ADCY3: variants seen among roughly 807,000 people sequenced by gnomAD.
The protein encoded by ADCY3 is adenylate cyclase 3, also known as adenylate cyclase type 3.
In ADCY3, 70 loss-of-function variants were observed where a neutral mutation model predicts 119.4. That is an observed-to-expected ratio of 0.59 (90% CI 0.48 to 0.72). The LOEUF (loss-of-function observed/expected upper bound fraction) is 0.72, where lower values mean the gene tolerates loss of function less well. Among genes scored for constraint, ADCY3 ranks in the 30% least tolerant of loss-of-function variants. The pLI is 0.00. For missense variants in ADCY3, 1,238 were observed against 1,541.6 expected, an observed-to-expected ratio of 0.80 and a Z score of 3.30; for synonymous variants, 672 against 621.4, an observed-to-expected ratio of 1.08 and a Z score of -1.21.
intron 2 of ADCY3, among the ~76,000 whole-genome samples, chr2:24,886,448 G>A (rs7605335): frequency 0.49 from 75,013 of 151,928 alleles, 20,316 homozygotes; most frequent in African/African-American, 0.73. Context: ...TAGCAAACAC[G>A]CCTCACCTCC....
chr2:24,907,293 C>T (rs1662978241), intron 2 of ADCY3, among the ~76,000 whole-genome samples: 1 of 151,656 alleles, frequency 6.6e-6, no homozygotes, highest in African/African-American at 2.4e-5. Context: ...CACCAAACTA[C>T]ACTTCCTGGA....
chr2:24,831,784 AG>A (rs780899475), intron 11 of ADCY3, 35 bp from the exon 12 acceptor site: 2 of 1,198,732 alleles, frequency 1.7e-6, no homozygotes, highest in African/African-American at 1.7e-5. Flanking sequence ...GAGAGGCCAG[AG>A]GGGACAGTGA....
At position 24,819,668 on chromosome 2, in the gene ADCY3, A is replaced by G; in HGVS notation, c.*264T>C. ...CAGTGGTCAGGGCCCCTCAGGGGCAAGGACGGCAGGGATTGGAACGAGGGC... is the reference window on the plus strand; with the variant it reads ...CAGTGGTCAGGGCCCCTCAGGGGCAGGGACGGCAGGGATTGGAACGAGGGC... On this transcript the variant is annotated 3_prime_UTR_variant, in exon 22 of 22. Transcript: ENST00000679454. 1 of 372,062 alleles carries G rather than the reference A, an allele frequency of 2.7e-6. No individual in the cohort carries two copies. The highest frequency in any genetic ancestry group is 4.8e-6 in the Non-Finnish European group (1 of 206,522). 23.0% of individuals were successfully genotyped at this position (372,062 alleles called of 1,614,324 possible).
chr2:24,873,129 G>A (rs957605541), intron 2 of ADCY3, among the ~76,000 whole-genome samples: 8 of 152,192 alleles, frequency 5.3e-5, no homozygotes, highest in African/African-American at 1.7e-4. Flanking sequence ...ACTCACTCAG[G>A]TGCTCTGCCA....
intron 2 of ADCY3, among the ~76,000 whole-genome samples, chr2:24,908,585 C>T (rs994241379): frequency 1.3e-5 from 2 of 149,980 alleles, no homozygotes; most frequent in African/African-American, 5.0e-5. Flanking sequence ...AGCATCTGCA[C>T]AGTGCTTTGT....
intron 2 of ADCY3, among the ~76,000 whole-genome samples, chr2:24,875,268 C>A (rs574327013): frequency 2.0e-5 from 3 of 152,228 alleles, no homozygotes; most frequent in African/African-American, 4.8e-5. Context: ...TGGGGCGCTG[C>A]CCCCTGTTCC....
chr2:24,874,775 A>G (rs13407913), intron 2 of ADCY3, among the ~76,000 whole-genome samples: 81,837 of 152,080 alleles, frequency 0.54, 24,593 homozygotes, highest in African/African-American at 0.83. Flanking sequence ...GAGGGGCAGG[A>G]TCAGAGTCCA....
rs752601873 is a variant in ADCY3 at position 24,824,491 on chromosome 2, G to A, written c.2623C>T (p.His875Tyr). 3.1e-6 allele frequency: 5 copies of A among 1,614,202 alleles called. No individual in the cohort carries two copies. Among genetic ancestry groups the A allele is most frequent in the East Asian group, 2.2e-5 (1 of 44,886 alleles). Reference sequence around the variant, plus strand: ...TCATAGACACGTTCCTTCTGGTCGTGGACCTCAATCTTCCACAAGAAAAGT... The same window carrying A: ...TCATAGACACGTTCCTTCTGGTCGTAGACCTCAATCTTCCACAAGAAAAGT... ...RTLFLWKIEV[H>Y]DQKERVYEMR... is the part of the protein sequence containing the mutation. The change falls in exon 17 of 22, where the codon CAC becomes TAC. Residue 875 changes from histidine to tyrosine, a missense_variant. Transcript: ENST00000679454.
rs529493811 is a variant in ADCY3, at chr2:24,826,160, G to A, written c.2496-34C>T. ...CAGAGCGTGTGCAACTGAAAGGGCTGTCATCTGCCTCCTGGAGGGGGCCTG... is the reference window on the plus strand; with the variant it reads ...CAGAGCGTGTGCAACTGAAAGGGCTATCATCTGCCTCCTGGAGGGGGCCTG... On this transcript the variant is annotated intron_variant, in intron 15 of 21. Coordinates refer to ENST00000679454, the MANE Select transcript of ADCY3 (RefSeq NM_004036.5). 3.1e-6 allele frequency: 5 copies of A among 1,589,864 alleles called. No homozygotes were observed. In the Admixed American group the frequency reaches 8.4e-5, roughly 27 times the overall value.
Position 24,838,590 on chromosome 2 carries a change from C to T in ADCY3, c.1388G>A (p.Cys463Tyr). Residue 463 changes from cysteine (C) to tyrosine (Y), a missense_variant, in exon 8 of 22, where the codon TGC (cysteine) becomes TAC (tyrosine). Physicochemically the swap from Cys to Tyr is radical, Grantham distance 194. Coordinates refer to ENST00000679454, the MANE Select transcript of ADCY3 (RefSeq NM_004036.5). ...RVHISQSTMD[C>Y]LKGEFDVEPG... The stretch of plus-strand genomic sequence containing the variant: ...CTCCACATCAAACTCCCCTTTCAGG[C>T]AGTCCATGGTGCTCTGGGAGATGTG... The T allele has an allele frequency of 6.2e-7, 1 of 1,614,128 alleles. No individual in the cohort carries two copies. Among genetic ancestry groups the T allele is most frequent in the South Asian group, 1.1e-5 (1 of 91,078 alleles).
chr2:24,823,770 C>T (rs931210354), intron 17 of ADCY3, among the ~76,000 whole-genome samples: 2 of 150,906 alleles, frequency 1.3e-5, no homozygotes, highest in Non-Finnish European at 2.9e-5. Flanking sequence ...CAGCTCACTG[C>T]AACCTCCACC....
At chr2:24,900,180 G>C (rs1414405550) in intron 2 of ADCY3, among the ~76,000 whole-genome samples, 2 of 134,668 alleles carry the variant, frequency 1.5e-5, no homozygotes, top group African/African-American at 3.3e-5. Flanking sequence ...GCGAAATCTC[G>C]ACTCACTGCA....
intron 11 of ADCY3, among the ~76,000 whole-genome samples, chr2:24,833,383 C>T (rs1012496548): frequency 1.3e-5 from 2 of 152,204 alleles, no homozygotes; most frequent in Admixed American, 6.5e-5. Flanking sequence ...GCAGGTGTCC[C>T]CCAGATAGGA....
intron 11 of ADCY3, among the ~76,000 whole-genome samples, chr2:24,831,952 G>T (rs1669606479): frequency 7.3e-6 from 1 of 136,954 alleles, no homozygotes; most frequent in Non-Finnish European, 1.6e-5. Context: ...ACAGCAGACA[G>T]GGGCAGGGGC....
At chr2:24,856,359 G>A (rs1673002975) in intron 3 of ADCY3, among the ~76,000 whole-genome samples, 1 of 152,200 alleles carries the variant, frequency 6.6e-6, no homozygotes, top group Admixed American at 6.5e-5. Flanking sequence ...ACAAATACAT[G>A]TCACTGTAAC....
chr2:24,872,722 G>A lies in ADCY3; in HGVS notation c.676-3C>T, dbSNP rs760758009. 1.9e-6 allele frequency: 3 copies of A among 1,613,388 alleles called. No individual in the cohort carries two copies. The highest frequency in any genetic ancestry group is 1.7e-5 in the Admixed American group (1 of 59,906). ...TAGAGGAAGACGTTGGCCAGGATCT[G>A]CACCCCAAGGAAGAAGAGAGAAAAG... On this transcript the variant is annotated splice_polypyrimidine_tract_variant and splice_region_variant and intron_variant, in intron 2 of 21. Coordinates refer to ENST00000679454, the MANE Select transcript of ADCY3 (RefSeq NM_004036.5). The surrounding 1 kb of genome is among the most constrained non-coding windows in gnomAD (Gnocchi z 4.4).
At chr2:24,843,716 G>A (rs770275993) in intron 3 of ADCY3, among the ~76,000 whole-genome samples, 12 of 152,098 alleles carry the variant, frequency 7.9e-5, no homozygotes, top group Non-Finnish European at 1.3e-4. Flanking sequence ...ACAGGGTTTG[G>A]TTCTGAGGCG....
At chr2:24,859,450 T>C (rs1349379862) in intron 3 of ADCY3, among the ~76,000 whole-genome samples, 2 of 152,186 alleles carry the variant, frequency 1.3e-5, no homozygotes, top group Non-Finnish European at 2.9e-5. Context: ...AAGAGGCAAC[T>C]GGCCTCTGGC....
chr2:24,914,005 C>T (rs1187914990), intron 2 of ADCY3, among the ~76,000 whole-genome samples: 1 of 151,788 alleles, frequency 6.6e-6, no homozygotes, highest in Non-Finnish European at 1.5e-5. Flanking sequence ...ATTGTCCGCA[C>T]TCATTGGCCG....
Sources: gnomAD v4.1 joint callset for allele counts (sites outside exome capture counted in the v4.1 genomes callset) on GRCh38, gnomAD v4.1.1 for gene constraint, Gnocchi (gnomAD v3.1) non-coding constraint, MANE v1.5 for transcripts, NCBI Gene and HGNC (gene_info 2026-07-23, HGNC 2026-07-21) for gene names.